The following TIAM2 variants were observed in gnomAD, a reference collection of about 807,000 sequenced individuals.
TIAM2 encodes rho guanine nucleotide exchange factor TIAM2.
TIAM2 carries 80 observed loss-of-function variants against 152.9 expected under a neutral mutation model. The observed-to-expected ratio is 0.52, with a 90% CI of 0.44 to 0.63. The LOEUF (loss-of-function observed/expected upper bound fraction) is 0.63. Among genes scored for constraint, TIAM2 ranks in the 30% least tolerant of loss-of-function variants. The pLI is 0.00. For synonymous variants in TIAM2, 804 were observed against 838.0 expected (o/e 0.96, Z 0.70); for missense variants, 1,965 against 2,120.1 (o/e 0.93, Z 1.44).
In TIAM2 at chr6:155,249,889, A is replaced by G; in HGVS notation, c.3871A>G (p.Asn1291Asp). 6.2e-7 allele frequency: 1 copy of G among 1,614,196 alleles called. No individual in the cohort carries two copies. The highest frequency in any genetic ancestry group is 8.5e-7 in the Non-Finnish European group (1 of 1,180,018). ...KAMEKVASHINEMQKIYEDYG... is the reference protein window; with the variant it reads ...KAMEKVASHIDEMQKIYEDYG... The stretch of plus-strand genomic sequence containing the variant: ...AATGGAGAAAGTAGCGAGCCACATC[A>G]ATGAGATGCAGAAGATCTATGAGGA... The change falls in exon 21 of 27, where the codon AAT (asparagine) becomes GAT (aspartate). Residue 1291 changes from asparagine (N) to aspartate (D), a missense_variant. Transcript: ENST00000682666.
chr6:155,127,442 C>G (rs1779321252), intron 2 of TIAM2, 48 bp from the exon 3 acceptor site: 1 of 393,406 alleles, frequency 2.5e-6, no homozygotes, highest in Admixed American at 3.2e-5. Flanking sequence ...TTTGTGGGAG[C>G]TTGGAGTAAA....
At position 155,164,553 on chromosome 6, in the gene TIAM2, G is replaced by T. The variant is rs1264570463; in HGVS notation, c.2167G>T (p.Ala723Ser). ...LAAASRPSKL[A>S]LGRLGILSVS... ...AGCCGCCAGCCGCCCCTCCAAGCTG[G>T]CCCTCGGCAGGCTGGGCATCTTGTC... Residue 723 changes from alanine to serine, a missense_variant, in exon 8 of 27, where the codon GCC becomes TCC. By Grantham distance (99) the Ala-to-Ser change is moderately conservative. Around this residue, in one of 3 missense-constraint regions of TIAM2, gnomAD observed 1,025 missense variants for 1,119.4 expected, o/e 0.92. Coordinates refer to ENST00000682666, the MANE Select transcript of TIAM2 (RefSeq NM_012454.4). 1.9e-6 allele frequency: 3 copies of T among 1,613,862 alleles called. No individual in the cohort carries two copies. Among genetic ancestry groups the T allele is most frequent in the African/African-American group, 2.7e-5 (2 of 74,888 alleles).
chr6:155,188,513 C>T (rs938807546), intron 14 of TIAM2, among the ~76,000 whole-genome samples: 2 of 152,144 alleles, frequency 1.3e-5, no homozygotes, highest in Non-Finnish European at 2.9e-5. Context: ...TTGACTTGAG[C>T]GGAAATATCA....
At chr6:155,169,438 A>C (rs1164864609) in intron 9 of TIAM2, among the ~76,000 whole-genome samples, 1 of 152,242 alleles carries the variant, frequency 6.6e-6, no homozygotes, top group Admixed American at 6.5e-5. Flanking sequence ...ATCTAACCTC[A>C]TGTTAACTCC....
intron 1 of TIAM2, among the ~76,000 whole-genome samples, chr6:155,057,217 T>C (rs1001057642): frequency 2.0e-5 from 3 of 151,748 alleles, no homozygotes; most frequent in Admixed American, 6.6e-5. Flanking sequence ...TATTATTTTT[T>C]AAATTAGAAC....
intron 15 of TIAM2, among the ~76,000 whole-genome samples, chr6:155,229,719 A>C (rs966698633): frequency 6.6e-6 from 1 of 152,252 alleles, no homozygotes; most frequent in Non-Finnish European, 1.5e-5. Context: ...TCATTTTCAT[A>C]CCACTGTGAA....
intron 7 of TIAM2, among the ~76,000 whole-genome samples, chr6:155,163,923 G>C (rs367634418): frequency 1.3e-5 from 2 of 150,850 alleles, no homozygotes; most frequent in South Asian, 2.1e-4. Context: ...TTTTTGTTTG[G>C]CTATCCTGAT....
chr6:155,012,720 T>A (rs1332828683), intron 1 of TIAM2, among the ~76,000 whole-genome samples: 3 of 152,098 alleles, frequency 2.0e-5, no homozygotes, highest in African/African-American at 7.2e-5. Flanking sequence ...CTGGCTAATC[T>A]TTGTAGTTTT....
At chr6:155,169,001 T>C in intron 9 of TIAM2, 3 of 1,313,292 alleles carry the variant, frequency 2.3e-6, no homozygotes, top group Non-Finnish European at 3.1e-6. Context: ...TGTTTGTTTT[T>C]GTTTTTGTTT....
At chr6:155,208,905 T>C (rs758786791) in intron 14 of TIAM2, among the ~76,000 whole-genome samples, 8 of 152,070 alleles carry the variant, frequency 5.3e-5, no homozygotes, top group Non-Finnish European at 1.2e-4. Context: ...GCAAGTTCCC[T>C]GATGGTGCCC....
At chr6:155,159,401 C>T (rs575270572) in intron 7 of TIAM2, among the ~76,000 whole-genome samples, 1 of 152,296 alleles carries the variant, frequency 6.6e-6, no homozygotes, top group African/African-American at 2.4e-5. Flanking sequence ...TCAGGGGCCC[C>T]GTTATAGCTA....
intron 1 of TIAM2, among the ~76,000 whole-genome samples, chr6:155,006,461 G>A (rs1778403823): frequency 6.6e-6 from 1 of 151,718 alleles, no homozygotes; most frequent in African/African-American, 2.4e-5. Context: ...AAGGTCAGGA[G>A]TTCGAGACCA....
intron 1 of TIAM2, among the ~76,000 whole-genome samples, chr6:155,061,735 A>G (rs1461352493): frequency 5.3e-5 from 8 of 152,172 alleles, no homozygotes; most frequent in African/African-American, 1.7e-4. Flanking sequence ...AAGTTGTGTC[A>G]TATATTTCCA....
At chr6:155,179,590 C>G (rs1780846328) in intron 12 of TIAM2, 134 bp downstream of exon 12, 1 of 730,918 alleles carries the variant, frequency 1.4e-6, no homozygotes, top group African/African-American at 1.8e-5. Context: ...TCTGAACTTC[C>G]TTTCTCTTCC....
intron 1 of TIAM2, among the ~76,000 whole-genome samples, chr6:155,038,974 T>TGGGG (rs1776971343): frequency 6.8e-6 from 1 of 148,126 alleles, no homozygotes. Flanking sequence ...TTTTTTTTTT[T>TGGGG]TTTGGCGATA....
chr6:155,168,757 C>A, intron 9 of TIAM2: 1 of 1,110,528 alleles, frequency 9.0e-7, no homozygotes. Context: ...TGTTATAGAA[C>A]TTTAGTTTTT....
Position 155,214,855 on chromosome 6 carries a change from G to A in TIAM2, c.3168+3548G>A, listed in dbSNP as rs968838440. ...GGGGTCTCACTATGTTGCTGAGGCT[G>A]GTCTCAAACTCCTGGGCTCAAGAGA... is the stretch of plus-strand genomic sequence containing the variant. On this transcript the variant is annotated intron_variant, in intron 15 of 26. Coordinates refer to ENST00000682666, the MANE Select transcript of TIAM2 (RefSeq NM_012454.4). The surrounding 1 kb of genome is among the most constrained non-coding windows in gnomAD (Gnocchi z 5.4). Among the ~76,000 whole-genome samples, 2 of 152,126 alleles carry A rather than the reference G, an allele frequency of 1.3e-5. No homozygotes were observed. Among genetic ancestry groups the A allele is most frequent in the African/African-American group, 4.8e-5 (2 of 41,422 alleles).
intron 1 of TIAM2, among the ~76,000 whole-genome samples, chr6:155,029,613 GTATATATGTATATAACTA>G (rs1283240654): frequency 2.8e-4 from 19 of 67,770 alleles, no homozygotes; most frequent in African/African-American, 1.3e-3. Context: ...ATATAACTCT[GTATATATGTATATAACTA>G]TATATAGTTA....
rs148014772 is a variant in TIAM2, at chr6:155,254,411, C to T, written c.4314-8C>T. Reference sequence around the variant, plus strand: ...CACTTCTGCTGTTTTCTCTCCCCCCCCACCCAGTGACAGTGAAAGCAAAAC... The same window carrying T: ...CACTTCTGCTGTTTTCTCTCCCCCCTCACCCAGTGACAGTGAAAGCAAAAC... On this transcript the variant is annotated splice_polypyrimidine_tract_variant and splice_region_variant and intron_variant, in intron 25 of 26. Coordinates refer to ENST00000682666, the MANE Select transcript of TIAM2 (RefSeq NM_012454.4). The T allele has an allele frequency of 1.8e-5, 29 of 1,610,178 alleles. No individual in the cohort carries two copies. Among genetic ancestry groups the T allele is most frequent in the African/African-American group, 4.0e-5 (3 of 74,854 alleles).
Sources: allele counts gnomAD v4.1 joint callset (sites outside exome capture counted in the v4.1 genomes callset), GRCh38; gene constraint gnomAD v4.1.1; regional missense constraint gnomAD v4.1.1; non-coding constraint Gnocchi (gnomAD v3.1); transcripts MANE v1.5; gene names NCBI Gene and HGNC (gene_info 2026-07-23, HGNC 2026-07-21).